Variants in CENPU observed in about 807,000 individuals in gnomAD.
CENPU encodes KSHV latent nuclear antigen interacting protein 1.
Under a neutral mutation model 56.7 loss-of-function variants are expected in CENPU, and 46 were observed. That is an observed-to-expected ratio of 0.81 (90% CI 0.64 to 1.04). The LOEUF (loss-of-function observed/expected upper bound fraction) is 1.04. Among genes scored for constraint, CENPU ranks in the 50% least tolerant of loss-of-function variants. CENPU has a pLI of 0.00. For synonymous variants in CENPU, 166 were observed against 163.0 expected (o/e 1.02, Z -0.14); for missense variants, 510 against 490.1 (o/e 1.04, Z -0.38).
chr4:184,726,289 T>C (rs1021375021), intron 3 of CENPU, among the ~76,000 whole-genome samples: 7 of 152,146 alleles, frequency 4.6e-5, no homozygotes, highest in African/African-American at 1.4e-4. Context: ...AATAATCCAA[T>C]TTAAAAACGG....
intron 1 of CENPU, among the ~76,000 whole-genome samples, chr4:184,733,757 C>T (rs550404685): frequency 6.6e-6 from 1 of 152,362 alleles, no homozygotes; most frequent in South Asian, 2.1e-4. Flanking sequence ...ACGGCACTCC[C>T]CCTCCCCACA....
At chr4:184,705,115 A>G (rs1326936453) in intron 8 of CENPU, among the ~76,000 whole-genome samples, 1 of 152,206 alleles carries the variant, frequency 6.6e-6, no homozygotes, top group African/African-American at 2.4e-5. Context: ...AACAAAAAAA[A>G]ATGTATCCAA....
At chr4:184,698,127 C>T (rs10000507) in intron 11 of CENPU, 38,591 of 221,236 alleles carry the variant, frequency 0.17, 3,827 homozygotes, top group African/African-American at 0.29. Flanking sequence ...CAGAGGCTCG[C>T]ACCAGCGGAG....
rs761035393 is a variant in CENPU, at chr4:184,694,771, CAA to C, written c.*515_*516del. 21 of 1,607,334 alleles carry C rather than the reference CAA, an allele frequency of 1.3e-5. No individual in the cohort carries two copies. Among genetic ancestry groups the C allele is most frequent in the Non-Finnish European group, 1.7e-5 (20 of 1,174,230 alleles). ...TGATGAACTAATTATAGAAGTATTA[CAA>C]GAGTAACTAATTCACTATGAACACT... On this transcript the variant is annotated 3_prime_UTR_variant, in exon 13 of 13. Coordinates refer to ENST00000281453, the MANE Select transcript of CENPU (RefSeq NM_024629.4).
chr4:184,716,405 T>A lies in CENPU; in HGVS notation c.610A>T (p.Ser204Cys). Residue 204 changes from serine to cysteine, a missense_variant, in exon 6 of 13, where the codon AGT becomes TGT. Physicochemically the swap from Ser to Cys is moderately radical, Grantham distance 112. Coordinates refer to ENST00000281453, the MANE Select transcript of CENPU (RefSeq NM_024629.4). ...ATGGCAGACGTTCTTACCGATTGACTTTCTATTGCCAAGTTCTCTTTTTCA... is the reference window on the plus strand; with the variant it reads ...ATGGCAGACGTTCTTACCGATTGACATTCTATTGCCAAGTTCTCTTTTTCA... ...SVEKENLAIESQSKTQKKGKI... is the reference protein window; with the variant it reads ...SVEKENLAIECQSKTQKKGKI... The A allele has an allele frequency of 6.2e-7, 1 of 1,613,172 alleles. No homozygotes were observed. The highest frequency in any genetic ancestry group is 8.5e-7 in the Non-Finnish European group (1 of 1,179,540).
At chr4:184,703,166 T>A (rs1418835629) in intron 8 of CENPU, among the ~76,000 whole-genome samples, 1 of 152,224 alleles carries the variant, frequency 6.6e-6, no homozygotes, top group Non-Finnish European at 1.5e-5. Flanking sequence ...CTTAATTCCC[T>A]GATACTGACC....
At chr4:184,717,635 A>G (rs2150219803) in intron 4 of CENPU, among the ~76,000 whole-genome samples, 1 of 152,346 alleles carries the variant, frequency 6.6e-6, no homozygotes, top group East Asian at 1.9e-4. Flanking sequence ...GTTCAATACA[A>G]CAAATTTATT....
rs1169101556 is a variant in CENPU at position 184,701,344 on chromosome 4, G to A, written c.925-463C>T. On this transcript the variant is annotated intron_variant, in intron 10 of 12. Transcript: ENST00000281453. ...TAGACATTCATAATGTTCCCACTCC[G>A]TAATAAGCAATGCAGAAATGACCAA... 4.6e-5 allele frequency among the ~76,000 whole-genome samples: 7 copies of A among 152,082 alleles called. No homozygotes were observed. The East Asian group carries it at 5.8e-4, about 13-fold the overall frequency.
In CENPU at chr4:184,724,941, T is replaced by G. The variant is rs1761403376; in HGVS notation, c.320+16A>C. 1.3e-6 allele frequency: 2 copies of G among 1,508,682 alleles called. No individual in the cohort carries two copies. Among genetic ancestry groups the G allele is most frequent in the Non-Finnish European group, 1.8e-6 (2 of 1,094,588 alleles). The allele number at this position is 1,508,682 out of a possible 1,614,324, so 93.5% of individuals were successfully genotyped here. A position where few individuals can be genotyped will look rare whatever the true frequency, so the allele number is the denominator to read the frequency against. On this transcript the variant is annotated intron_variant, in intron 4 of 12. Coordinates refer to ENST00000281453, the MANE Select transcript of CENPU (RefSeq NM_024629.4). ...CATTAACCATGAATAAACAATTGCT[T>G]GAAATACACCAGTACCTTCTTTTTG... is the stretch of plus-strand genomic sequence containing the variant.
At chr4:184,713,177 G>C (rs1760980398) in intron 6 of CENPU, among the ~76,000 whole-genome samples, 164 bp from the exon 7 acceptor site, 1 of 152,124 alleles carries the variant, frequency 6.6e-6, no homozygotes, top group African/African-American at 2.4e-5. Context: ...GATCACTTGA[G>C]GTCAGGAGTT....
chr4:184,722,090 T>C (rs1761300362), intron 4 of CENPU, among the ~76,000 whole-genome samples: 1 of 152,202 alleles, frequency 6.6e-6, no homozygotes, highest in South Asian at 2.1e-4. Context: ...GGAGGAATTT[T>C]GGAAGTTATA....
At chr4:184,702,684 T>C (rs555439835) in intron 8 of CENPU, among the ~76,000 whole-genome samples, 4 of 152,260 alleles carry the variant, frequency 2.6e-5, no homozygotes, top group Admixed American at 2.6e-4. Flanking sequence ...GTAGCGAGCA[T>C]AGTAGCAAAC....
intron 4 of CENPU, among the ~76,000 whole-genome samples, chr4:184,718,660 G>A (rs1761174841): frequency 6.6e-6 from 1 of 152,222 alleles, no homozygotes; most frequent in African/African-American, 2.4e-5. Flanking sequence ...CAGGGAGGTG[G>A]CAGGGGTGTG....
intron 10 of CENPU, 34 bp downstream of exon 10, chr4:184,702,055 T>A (rs753844345): frequency 7.0e-7 from 1 of 1,420,722 alleles, no homozygotes; most frequent in Admixed American, 1.7e-5. Flanking sequence ...GTATTGTGTT[T>A]GACTCTATGA....
chr4:184,708,535 A>G (rs1326671910), intron 8 of CENPU, among the ~76,000 whole-genome samples: 1 of 119,700 alleles, frequency 8.4e-6, no homozygotes, highest in Non-Finnish European at 2.1e-5. Context: ...AAGAATATCA[A>G]AGAAAAAAAA....
At chr4:184,703,253 A>C (rs1760603930) in intron 8 of CENPU, among the ~76,000 whole-genome samples, 1 of 152,262 alleles carries the variant, frequency 6.6e-6, no homozygotes, top group Non-Finnish European at 1.5e-5. Context: ...TGATAGACCC[A>C]GCAGACTTTA....
At chr4:184,705,374 T>C (rs949132300) in intron 8 of CENPU, among the ~76,000 whole-genome samples, 2 of 152,100 alleles carry the variant, frequency 1.3e-5, no homozygotes, top group Non-Finnish European at 2.9e-5. Flanking sequence ...GATGAAATGA[T>C]AGAAATGGAG....
At chr4:184,701,677 C>G (rs1760539010) in intron 10 of CENPU, among the ~76,000 whole-genome samples, 1 of 152,168 alleles carries the variant, frequency 6.6e-6, no homozygotes, top group Admixed American at 6.5e-5. Flanking sequence ...TCTTCCCAGG[C>G]TGTCCTACCT....
intron 11 of CENPU, 173 bp from the exon 12 acceptor site, chr4:184,697,976 G>A: frequency 1.8e-5 from 10 of 547,524 alleles, no homozygotes; most frequent in African/African-American, 3.8e-5. Context: ...TAAAATGTAG[G>A]AAAAAAAATC....
Sources: allele counts gnomAD v4.1 joint callset (sites outside exome capture counted in the v4.1 genomes callset), GRCh38; gene constraint gnomAD v4.1.1; transcripts MANE v1.5; gene names NCBI Gene and HGNC (gene_info 2026-07-23, HGNC 2026-07-21).